SOX6: variants seen among roughly 807,000 people sequenced by gnomAD.
SOX6 encodes SRY-box transcription factor 6.
In SOX6, 11 loss-of-function variants were observed where a neutral mutation model predicts 97.8. That is an observed-to-expected ratio of 0.11 (90% CI 0.07 to 0.19). The LOEUF is 0.19. Ranked by LOEUF, SOX6 falls within the 10% of genes least tolerant of loss-of-function variation. The pLI is 1.00. For synonymous variants in SOX6, 360 were observed against 371.4 expected (o/e 0.97, Z 0.35); for missense variants, 810 against 1,039.5 (o/e 0.78, Z 3.04).
intron 3 of SOX6, among the ~76,000 whole-genome samples, chr11:16,690,629 A>G (rs1848006331): frequency 1.3e-5 from 2 of 152,226 alleles, no homozygotes; most frequent in Admixed American, 6.5e-5. Context: ...ATCTCATTAC[A>G]TGACTTAATT....
upstream of SOX6, among the ~76,000 whole-genome samples, chr11:16,358,931 C>A (rs1857135127): frequency 1.3e-5 from 2 of 152,150 alleles, no homozygotes; most frequent in African/African-American, 4.8e-5. Flanking sequence ...TATTTACTGA[C>A]TACCTGCACT....
chr11:16,294,273 A>C (rs1393402254), intron 3 of SOX6, among the ~76,000 whole-genome samples: 2 of 152,022 alleles, frequency 1.3e-5, no homozygotes, highest in Non-Finnish European at 2.9e-5. Context: ...TAAACAGTAA[A>C]TGTTTATTAC....
At chr11:16,406,529 A>C (rs1188528380) in intron 1 of SOX6, among the ~76,000 whole-genome samples, 1 of 152,114 alleles carries the variant, frequency 6.6e-6, no homozygotes, top group African/African-American at 2.4e-5. Context: ...TTGTTCTTCT[A>C]TAGTGACAGA....
chr11:16,599,652 G>C (rs766362218), intron 4 of SOX6, among the ~76,000 whole-genome samples: 1 of 151,960 alleles, frequency 6.6e-6, no homozygotes, highest in South Asian at 2.1e-4. Context: ...ATTTAAAAAA[G>C]GATTTTTTTC....
At chr11:16,528,512 T>C (rs1029212050) in intron 4 of SOX6, among the ~76,000 whole-genome samples, 2 of 152,074 alleles carry the variant, frequency 1.3e-5, no homozygotes, top group Non-Finnish European at 2.9e-5. Flanking sequence ...CACACTCAGT[T>C]TTTCTCTGTC....
rs1053577824 is a variant in SOX6 at position 16,723,657 on chromosome 11, A to C, written n.354-8752T>G. ...AAACCCCATCTCTACTAAAAATACA[A>C]AAATTAGCCCGGCCTGGTGGTGGGG... On this transcript the variant is annotated intron_variant and non_coding_transcript_variant, in intron 2 of 5. Coordinates refer to the SOX6 transcript ENST00000524520. Among the ~76,000 whole-genome samples the C allele has an allele frequency of 2.0e-5, 3 of 151,988 alleles. No homozygotes were observed. In the South Asian group the frequency reaches 6.3e-4, roughly 32 times the overall value.
At chr11:16,683,378 A>G (rs1213032411) in intron 3 of SOX6, among the ~76,000 whole-genome samples, 1 of 152,252 alleles carries the variant, frequency 6.6e-6, no homozygotes, top group Non-Finnish European at 1.5e-5. Flanking sequence ...TACTGGTACC[A>G]AAACAGATAT....
chr11:16,358,694 T>C (rs1167154226), upstream of SOX6, among the ~76,000 whole-genome samples: 1 of 152,144 alleles, frequency 6.6e-6, no homozygotes, highest in Admixed American at 6.6e-5. Context: ...TTTGCCACAG[T>C]GTTCTGAAGG....
chr11:16,688,763 G>T (rs1847988799), intron 3 of SOX6, among the ~76,000 whole-genome samples: 1 of 152,126 alleles, frequency 6.6e-6, no homozygotes, highest in Non-Finnish European at 1.5e-5. Context: ...CTATTAGGTT[G>T]TATTTTCCTG....
At chr11:16,295,289 C>T (rs1163109949) in intron 3 of SOX6, among the ~76,000 whole-genome samples, 2 of 152,034 alleles carry the variant, frequency 1.3e-5, no homozygotes, top group Admixed American at 6.6e-5. Flanking sequence ...AAACCATTTT[C>T]ATTATTTTTG....
intron 1 of SOX6, among the ~76,000 whole-genome samples, chr11:16,468,420 C>G (rs535655546): frequency 2.0e-5 from 3 of 152,262 alleles, no homozygotes; most frequent in Admixed American, 2.0e-4. Flanking sequence ...TCTGAAAATA[C>G]TAGTGTGTAG....
chr11:16,594,415 C>G (rs1304951833), intron 4 of SOX6, among the ~76,000 whole-genome samples: 2 of 152,088 alleles, frequency 1.3e-5, no homozygotes, highest in African/African-American at 4.8e-5. Flanking sequence ...CTAACAATTT[C>G]TTTAAAAATG....
At chr11:16,694,909 T>C (rs1292633031) in intron 3 of SOX6, among the ~76,000 whole-genome samples, 1 of 152,208 alleles carries the variant, frequency 6.6e-6, no homozygotes, top group African/African-American at 2.4e-5. Flanking sequence ...ACAAACAGTA[T>C]AACAACTATA....
intron 4 of SOX6, among the ~76,000 whole-genome samples, chr11:16,590,462 T>TCACTAACTACATCATTCA (rs1393828835): frequency 6.6e-6 from 1 of 152,138 alleles, no homozygotes; most frequent in Non-Finnish European, 1.5e-5. Context: ...ACCATGGACT[T>TCACTAACTACATCATTCA]CACTAACTAC....
upstream of SOX6, among the ~76,000 whole-genome samples, chr11:16,477,001 A>T (rs1860263875): frequency 6.6e-6 from 1 of 152,218 alleles, no homozygotes. Context: ...AATTTTTAAC[A>T]TACAAAGAGT....
chr11:16,536,838 C>A (rs1861316137), intron 4 of SOX6, among the ~76,000 whole-genome samples: 1 of 152,228 alleles, frequency 6.6e-6, no homozygotes, highest in East Asian at 1.9e-4. Context: ...ATCAGCAAGG[C>A]CTACTGTCTC....
chr11:16,162,386 C>T (rs989632865), intron 6 of SOX6, among the ~76,000 whole-genome samples: 3 of 152,198 alleles, frequency 2.0e-5, no homozygotes, highest in Non-Finnish European at 4.4e-5. Flanking sequence ...TTTGTCCCCA[C>T]CCAAATCTCA....
intron 12 of SOX6, among the ~76,000 whole-genome samples, chr11:16,020,767 G>A (rs556768667): frequency 1.3e-5 from 2 of 152,076 alleles, no homozygotes; most frequent in South Asian, 2.1e-4. Flanking sequence ...TTAAAGAATC[G>A]GACTTTTGGT....
At chr11:16,502,864 C>T (rs1860729341) in intron 4 of SOX6, among the ~76,000 whole-genome samples, 1 of 152,118 alleles carries the variant, frequency 6.6e-6, no homozygotes, top group Admixed American at 6.5e-5. Flanking sequence ...ATATGAGAAG[C>T]TCAGAGATCC....
Sources: gnomAD v4.1 joint callset for allele counts (sites outside exome capture counted in the v4.1 genomes callset) on GRCh38, gnomAD v4.1.1 for gene constraint, MANE v1.5 for transcripts, NCBI Gene and HGNC (gene_info 2026-07-23, HGNC 2026-07-21) for gene names.